The following KMT2D variants were observed in gnomAD, a reference collection of about 807,000 sequenced individuals.
KMT2D encodes lysine methyltransferase 2D.
Under a neutral mutation model 512.7 loss-of-function variants are expected in KMT2D, and 55 were observed. The observed-to-expected ratio is 0.11, with a 90% CI of 0.09 to 0.13. The LOEUF is 0.13. Ranked by LOEUF, KMT2D falls within the 10% of genes least tolerant of loss-of-function variation. The pLI is 1.00. For synonymous variants in KMT2D, 2,995 were observed against 2,904.0 expected (o/e 1.03, Z -1.01); for missense variants, 6,061 against 7,127.9 (o/e 0.85, Z 5.39).
chr12:49,048,831 C>T, intron 13 of KMT2D, 62 bp from the exon 14 acceptor site: 1 of 1,148,294 alleles, frequency 8.7e-7, no homozygotes, highest in Non-Finnish European at 1.3e-6. Flanking sequence ...AGCTACTTTC[C>T]TCTTTGGTGT....
chr12:49,044,720 C>A lies in KMT2D; in HGVS notation c.4963+24G>T. On this transcript the variant is annotated intron_variant, in intron 20 of 54. Transcript: ENST00000301067. This position sits in a 1 kb window ranked among gnomAD's most constrained non-coding sequence, Gnocchi z 6.4. ...GAGTCACGCTCCCCCTACTCTGCCG[C>A]TCCCTAAGATTCCCCAAGCTAACCT... 1 of 1,602,830 alleles carries A rather than the reference C, an allele frequency of 6.2e-7. No individual in the cohort carries two copies. The highest frequency in any genetic ancestry group is 8.5e-7 in the Non-Finnish European group (1 of 1,170,650).
At chr12:49,034,956 T>C (rs376200368) in intron 35 of KMT2D, 21 bp from the exon 36 acceptor site, 6 of 1,613,422 alleles carry the variant, frequency 3.7e-6, no homozygotes, top group African/African-American at 1.3e-5. Flanking sequence ...GAGAACCAAG[T>C]GAGCTGGGCT....
At position 49,041,198 on chromosome 12, in the gene KMT2D, G is replaced by A. The variant is rs572145631; in HGVS notation, c.6572C>T (p.Thr2191Met). The change falls in exon 32 of 55, where the codon ACG becomes ATG. Residue 2191 changes from threonine (T) to methionine (M), a missense_variant. By Grantham distance (81) the Thr-to-Met change is moderately conservative. Transcript: ENST00000301067. The surrounding 1 kb of genome is among the most constrained non-coding windows in gnomAD (Gnocchi z 5.4). Reference sequence around the variant, plus strand: ...ATAGGGGGGATAGGTGGGCGGTGCCGTGGGGAAGCGGGGCTCCAGGGGATA... The same window carrying A: ...ATAGGGGGGATAGGTGGGCGGTGCCATGGGGAAGCGGGGCTCCAGGGGATA... Reference protein sequence around the residue: ...PAYPLEPRFPTAPPTYPPYPS... With the variant: ...PAYPLEPRFPMAPPTYPPYPS... 55 of 1,513,636 alleles carry A rather than the reference G, an allele frequency of 3.6e-5. No individual in the cohort carries two copies. The highest frequency in any genetic ancestry group is 6.7e-5 in the South Asian group (5 of 74,562). The allele number at this position is 1,513,636 out of a possible 1,614,324, so 93.8% of individuals were successfully genotyped here.
At position 49,039,989 on chromosome 12, in the gene KMT2D, AG is replaced by A. The variant is rs35050033; in HGVS notation, c.7780del (p.Leu2594TrpfsTer97). On this transcript the variant is annotated frameshift_variant, in exon 32 of 55. Transcript: ENST00000301067. LOFTEE classifies it high-confidence loss of function. The surrounding 1 kb of genome is among the most constrained non-coding windows in gnomAD (Gnocchi z 5.0). ...CCCTGTGGACCCGCTGCTGGGCCCC[AG>A]GGGGCTGCCCGATGGGTGGAAGTTC... Reference protein sequence around the residue: ...TGNFHPSGSPLGPSSGSTGES... With the variant: ...TGNFHPSGSPXGPSSGSTGES... The A allele has an allele frequency of 6.2e-7, 1 of 1,613,688 alleles. No individual in the cohort carries two copies. The highest frequency in any genetic ancestry group is 8.5e-7 in the Non-Finnish European group (1 of 1,179,754).
At chr12:49,057,072 C>T (rs766189801) in intron 1 of KMT2D, among the ~76,000 whole-genome samples, 1 of 152,154 alleles carries the variant, frequency 6.6e-6, no homozygotes, top group Admixed American at 6.5e-5. Flanking sequence ...CAGGGTGGGT[C>T]ATCTGGCCGG....
chr12:49,031,281 C>A lies in KMT2D; in HGVS notation c.13424G>T (p.Ser4475Ile), dbSNP rs1246024040. 2 of 1,613,394 alleles carry A rather than the reference C, an allele frequency of 1.2e-6. No individual in the cohort carries two copies. The highest frequency in any genetic ancestry group is 1.7e-6 in the Non-Finnish European group (2 of 1,179,904). Residue 4475 changes from serine (S) to isoleucine (I), a missense_variant, in exon 40 of 55, where the codon AGC becomes ATC. Physicochemically the swap from Ser to Ile is moderately radical, Grantham distance 142 (BLOSUM62 -2). Around this residue, in one of 16 missense-constraint regions of KMT2D, gnomAD observed 1,600 missense variants for 1,754.9 expected, o/e 0.91. Coordinates refer to ENST00000301067, the MANE Select transcript of KMT2D (RefSeq NM_003482.4). Reference sequence around the variant, plus strand: ...CAGCCCCTCGGACCCCCGCCCAGTGCTGAGTTGCACATTCTTTGCCCGGAG... The same window carrying A: ...CAGCCCCTCGGACCCCCGCCCAGTGATGAGTTGCACATTCTTTGCCCGGAG... ...KLLRAKNVQL[S>I]TGRGSEGLRA... is the part of the protein sequence containing the mutation.
Position 49,044,919 on chromosome 12 carries a change from G to A in KMT2D, c.4788C>T (p.Gly1596=). 6.2e-7 allele frequency: 1 copy of A among 1,614,048 alleles called. No homozygotes were observed. The highest frequency in any genetic ancestry group is 8.5e-7 in the Non-Finnish European group (1 of 1,179,882). The part of the protein sequence containing the change: ...RFEGVWLTET[G]MALLRNLTMS... ...TGGTCAGGTTACGCAGCAAGGCCAT[G>A]CCAGTTTCTGTCAGCCACACACCTT... Residue 1596 remains glycine, a synonymous_variant, in exon 20 of 55, where the codon GGC becomes GGT. Coordinates refer to ENST00000301067, the MANE Select transcript of KMT2D (RefSeq NM_003482.4). This position sits in a 1 kb window ranked among gnomAD's most constrained non-coding sequence, Gnocchi z 6.4.
chr12:49,032,427 G>A lies in KMT2D; in HGVS notation c.12278C>T (p.Pro4093Leu). The A allele has an allele frequency of 1.3e-6, 2 of 1,581,116 alleles. No homozygotes were observed. Among genetic ancestry groups the A allele is most frequent in the Non-Finnish European group, 1.7e-6 (2 of 1,163,548 alleles). Residue 4093 changes from proline (P) to leucine (L), a missense_variant, in exon 40 of 55, where the codon CCA becomes CTA. Physicochemically the swap from Pro to Leu is moderately conservative, Grantham distance 98. Transcript: ENST00000301067. ...QPQPSSLQLQ[P>L]PLRLPGQQQQ... ...CTGTTGTCCTGGAAGCCTCAGAGGT[G>A]GCTGCAGCTGCAGAGAGCTGGGCTG...
Position 49,019,240 on chromosome 12 carries a change from C to A in KMT2D, c.*2540G>T. 1 of 874,592 alleles carries A rather than the reference C, an allele frequency of 1.1e-6. No individual in the cohort carries two copies. 54.2% of individuals were successfully genotyped at this position (874,592 alleles called of 1,614,324 possible). ...CAAAATAAAGTCTTCACGGGATTCA[C>A]ACTTGTCAGCGATTTATTTTTTAAA... On this transcript the variant is annotated 3_prime_UTR_variant, in exon 55 of 55. Transcript: ENST00000301067.
rs2120710773 is a variant in KMT2D, at chr12:49,054,562, C to T, written c.366G>A (p.Glu122=). ...SEDLSQIGFP[E]GLTPAHLGEP... Reference sequence around the variant, plus strand: ...CTCCTAGGTGGGCAGGTGTAAGGCCCTCAGGGAAACCAATCTGTGATAGGT... The same window carrying T: ...CTCCTAGGTGGGCAGGTGTAAGGCCTTCAGGGAAACCAATCTGTGATAGGT... Residue 122 remains glutamate (E), a synonymous_variant, in exon 4 of 55, where the codon GAG becomes GAA. Transcript: ENST00000301067. The surrounding 1 kb of genome is among the most constrained non-coding windows in gnomAD (Gnocchi z 6.4). 1.2e-6 allele frequency: 2 copies of T among 1,612,562 alleles called. No homozygotes were observed. The highest frequency in any genetic ancestry group is 1.7e-6 in the Non-Finnish European group (2 of 1,179,262).
rs1942863178 is a variant in KMT2D, at chr12:49,030,739, A to G, written c.13701T>C (p.Pro4567=). 6.2e-7 allele frequency: 1 copy of G among 1,613,674 alleles called. No individual in the cohort carries two copies. The highest frequency in any genetic ancestry group is 2.2e-5 in the East Asian group (1 of 44,874). ...AGAGGCTAAAATTGGCGGTGATAGCAGGCTCCGTTAGGGGCAGCAGGGACA... is the reference window on the plus strand; with the variant it reads ...AGAGGCTAAAATTGGCGGTGATAGCGGGCTCCGTTAGGGGCAGCAGGGACA... ...QELSLLPLTE[P]AITANFSLFA... is the part of the protein sequence containing the mutation. The change falls in exon 42 of 55, where the codon CCT becomes CCC. Residue 4567 remains proline, a synonymous_variant. Transcript: ENST00000301067.
rs899486040 is a variant in KMT2D, at chr12:49,019,097, C to G, written c.*2683G>C. 4 of 1,195,238 alleles carry G rather than the reference C, an allele frequency of 3.3e-6. No homozygotes were observed. The African/African-American group carries it at 6.3e-5, about 19-fold the overall frequency. 74.0% of individuals were successfully genotyped at this position (1,195,238 alleles called of 1,614,324 possible). ...GTACAGTTCAGAATGATCGCTGATACAAAACATGCCAAGGACAGGGGCGCT... is the reference window on the plus strand; with the variant it reads ...GTACAGTTCAGAATGATCGCTGATAGAAAACATGCCAAGGACAGGGGCGCT... On this transcript the variant is annotated 3_prime_UTR_variant, in exon 55 of 55. Coordinates refer to ENST00000301067, the MANE Select transcript of KMT2D (RefSeq NM_003482.4).
Position 49,033,531 on chromosome 12 carries a change from T to C in KMT2D, c.11174A>G (p.Gln3725Arg). 6.2e-7 allele frequency: 1 copy of C among 1,613,422 alleles called. No individual in the cohort carries two copies. Among genetic ancestry groups the C allele is most frequent in the Non-Finnish European group, 8.5e-7 (1 of 1,179,606 alleles). ...TTTCTGGGCCAGCTGCATACGTTGC[T>C]GCTGCAGCTGCAGCTGCCTTTCCTG... ...LLQERQLQLQ[Q>R]QRMQLAQKLQ... Residue 3725 changes from glutamine (Q) to arginine (R), a missense_variant, in exon 40 of 55, where the codon CAG (glutamine) becomes CGG (arginine). This residue lies in a region of KMT2D where 1,600 missense variants were observed against 1,754.9 expected (regional missense o/e 0.91). Coordinates refer to ENST00000301067, the MANE Select transcript of KMT2D (RefSeq NM_003482.4).
Position 49,020,313 on chromosome 12 carries a change from A to C in KMT2D, c.*1467T>G, listed in dbSNP as rs1942253828. On this transcript the variant is annotated 3_prime_UTR_variant, in exon 55 of 55. Transcript: ENST00000301067. ...GGGGAGTGGGGTGGGGGGTGAGGAA[A>C]AGGGCGGTAGGTCGGGTAATGGAGG... The C allele has an allele frequency of 5.7e-6, 1 of 174,616 alleles. No homozygotes were observed. The highest frequency in any genetic ancestry group is 2.4e-5 in the African/African-American group (1 of 42,068). 10.8% of individuals were successfully genotyped at this position (174,616 alleles called of 1,614,324 possible). A position where few individuals can be genotyped will look rare whatever the true frequency, so the allele number is the denominator to read the frequency against.
At chr12:49,037,033 T>G (rs1483777765) in intron 35 of KMT2D, 92 bp downstream of exon 35, 2 of 1,456,866 alleles carry the variant, frequency 1.4e-6, no homozygotes, top group South Asian at 2.9e-5. Context: ...CCATCTTAAG[T>G]AGGGATTATC....
chr12:49,047,683 G>A (rs1937639757), intron 15 of KMT2D, among the ~76,000 whole-genome samples: 1 of 152,194 alleles, frequency 6.6e-6, no homozygotes, highest in Admixed American at 6.5e-5. Flanking sequence ...GCCTCCCAAA[G>A]TGCTGGGATT....
Position 49,051,863 on chromosome 12 carries a change from G to A in KMT2D, c.1820C>T (p.Pro607Leu), listed in dbSNP as rs552820628. Residue 607 changes from proline (P) to leucine (L), a missense_variant, in exon 11 of 55, where the codon CCT becomes CTT. By Grantham distance (98) the Pro-to-Leu change is moderately conservative. Coordinates refer to ENST00000301067, the MANE Select transcript of KMT2D (RefSeq NM_003482.4). ...AGACTCCTCAGGTGGAGGGGACAGAGGAGACTCTTCAAATGGTGGGAACAG... is the reference window on the plus strand; with the variant it reads ...AGACTCCTCAGGTGGAGGGGACAGAAGAGACTCTTCAAATGGTGGGAACAG... ...SRLFPPFEES[P>L]LSPPPEESPL... 32 of 1,613,010 alleles carry A rather than the reference G, an allele frequency of 2.0e-5. No homozygotes were observed. Among genetic ancestry groups the A allele is most frequent in the Non-Finnish European group, 1.7e-6 (2 of 1,179,536 alleles).
chr12:49,033,653 T>C lies in KMT2D; in HGVS notation c.11052A>G (p.Gln3684=). Residue 3684 remains glutamine (Q), a synonymous_variant, in exon 40 of 55, where the codon CAA becomes CAG. Coordinates refer to ENST00000301067, the MANE Select transcript of KMT2D (RefSeq NM_003482.4). ...NTALAQQQQQ[Q]HSGGAGSLAG... ...CCAGGGATCCAGCCCCACCAGAATGTTGCTGTTGCTGCTGTTGGGCCAGAG... is the reference window on the plus strand; with the variant it reads ...CCAGGGATCCAGCCCCACCAGAATGCTGCTGTTGCTGCTGTTGGGCCAGAG... 6.2e-7 allele frequency: 1 copy of C among 1,613,700 alleles called. No homozygotes were observed. The highest frequency in any genetic ancestry group is 8.5e-7 in the Non-Finnish European group (1 of 1,179,876).
Position 49,051,555 on chromosome 12 carries a change from G to A in KMT2D, c.2128C>T (p.Pro710Ser), listed in dbSNP as rs370502666. 1.2e-6 allele frequency: 2 copies of A among 1,610,958 alleles called. No individual in the cohort carries two copies. Among genetic ancestry groups the A allele is most frequent in the African/African-American group, 2.7e-5 (2 of 74,854 alleles). ...PPPEDSPASP[P>S]PEDSLMSLPL... The stretch of plus-strand genomic sequence containing the variant: ...AGGGACATGAGCGAGTCCTCCGGTG[G>A]TGGGGAAGCAGGTGAGTCCTCAGGT... The change falls in exon 11 of 55, where the codon CCA (proline) becomes TCA (serine). Residue 710 changes from proline (P) to serine (S), a missense_variant. Coordinates refer to ENST00000301067, the MANE Select transcript of KMT2D (RefSeq NM_003482.4).
Sources: gnomAD v4.1 joint callset for allele counts (sites outside exome capture counted in the v4.1 genomes callset) on GRCh38, gnomAD v4.1.1 for gene constraint, gnomAD v4.1.1 regional missense constraint, Gnocchi (gnomAD v3.1) non-coding constraint, MANE v1.5 for transcripts, NCBI Gene and HGNC (gene_info 2026-07-23, HGNC 2026-07-21) for gene names.